UBE2D2: variants seen among roughly 807,000 people sequenced by gnomAD.
The protein encoded by UBE2D2 is ubiquitin-conjugating enzyme E2 D2.
A neutral mutation model predicts 24.2 loss-of-function variants in UBE2D2; 2 were observed. That is an observed-to-expected ratio of 0.08 (90% confidence interval 0.03 to 0.26). The LOEUF (loss-of-function observed/expected upper bound fraction) is 0.26, where lower values mean the gene tolerates loss of function less well. UBE2D2 is among the 10% of genes least tolerant of loss of function. The probability of loss-of-function intolerance (pLI) is 1.00; values close to 1 mark genes in which losing one functional copy is unlikely to be tolerated. For missense variants in UBE2D2, 44 were observed against 177.6 expected (o/e 0.25, Z 4.28); for synonymous variants, 58 against 56.5 (o/e 1.03, Z -0.12).
At chr5:139,562,114 A>G in intron 1 of UBE2D2, 1 of 1,038,634 alleles carries the variant, frequency 9.6e-7, no homozygotes, top group Non-Finnish European at 1.3e-6. Context: ...GCTGCACTTG[A>G]GGGCCATTGT....
chr5:139,549,154 C>T (rs1479735547), intron 1 of UBE2D2, among the ~76,000 whole-genome samples: 1 of 152,134 alleles, frequency 6.6e-6, no homozygotes, highest in East Asian at 1.9e-4. Context: ...GTCTTAAAAG[C>T]CCTGGTTCTA....
chr5:139,583,297 T>C (rs1360431909), intron 1 of UBE2D2, among the ~76,000 whole-genome samples: 1 of 152,130 alleles, frequency 6.6e-6, no homozygotes, highest in South Asian at 2.1e-4. Flanking sequence ...TTCTTAAAAA[T>C]TGCTGAGAGT....
intron 2 of UBE2D2, among the ~76,000 whole-genome samples, chr5:139,610,555 T>A (rs71587295): frequency 0.21 from 31,722 of 147,816 alleles, 3,487 homozygotes; most frequent in South Asian, 0.31. Context: ...AAAAATATAT[T>A]TTTTTTTTTG....
At chr5:139,567,875 G>A (rs915684808) in intron 1 of UBE2D2, among the ~76,000 whole-genome samples, 4 of 152,136 alleles carry the variant, frequency 2.6e-5, no homozygotes, top group African/African-American at 9.7e-5. Flanking sequence ...AACCAGTTTT[G>A]TAAATACATT....
chr5:139,614,837 A>T, intron 4 of UBE2D2, 24 bp from the exon 5 acceptor site: 4 of 1,612,692 alleles, frequency 2.5e-6, no homozygotes, highest in Non-Finnish European at 3.4e-6. Context: ...ACTAGTTTAC[A>T]GAAAGTTTCC....
intron 1 of UBE2D2, among the ~76,000 whole-genome samples, chr5:139,581,713 C>T (rs138793804): frequency 9.9e-5 from 15 of 152,102 alleles, no homozygotes; most frequent in South Asian, 4.2e-4. Flanking sequence ...CCGTCACCCA[C>T]GCTGGAGTGC....
chr5:139,599,325 A>G (rs1754023943), intron 1 of UBE2D2, among the ~76,000 whole-genome samples: 1 of 152,190 alleles, frequency 6.6e-6, no homozygotes. Context: ...ATGGTCCAGT[A>G]TAATTTTGGA....
At chr5:139,563,815 G>T (rs1234288024) in intron 1 of UBE2D2, among the ~76,000 whole-genome samples, 1 of 152,016 alleles carries the variant, frequency 6.6e-6, no homozygotes, top group African/African-American at 2.4e-5. Flanking sequence ...GGTTCCTGTA[G>T]TCCCAGCTAC....
At chr5:139,548,520 T>G (rs1015374684) in intron 1 of UBE2D2, among the ~76,000 whole-genome samples, 7 of 152,080 alleles carry the variant, frequency 4.6e-5, no homozygotes, top group African/African-American at 1.4e-4. Flanking sequence ...AAACCCCAGC[T>G]TCACAAGGAC....
chr5:139,597,809 G>A (rs1461867586), intron 1 of UBE2D2, among the ~76,000 whole-genome samples: 8 of 152,214 alleles, frequency 5.3e-5, no homozygotes, highest in Admixed American at 5.2e-4. Flanking sequence ...GAGATGGGCA[G>A]AAAATCTCTA....
intron 2 of UBE2D2, among the ~76,000 whole-genome samples, chr5:139,608,343 G>A (rs1331649218): frequency 6.6e-6 from 1 of 152,136 alleles, no homozygotes; most frequent in Non-Finnish European, 1.5e-5. Context: ...TGAAGCAGGA[G>A]AATTGCTTGA....
chr5:139,540,465 G>A (rs1432674105), intron 1 of UBE2D2, among the ~76,000 whole-genome samples: 2 of 147,960 alleles, frequency 1.4e-5, no homozygotes, highest in African/African-American at 2.5e-5. Flanking sequence ...AGAATGGCGT[G>A]AACCCGGGAG....
At chr5:139,527,679 G>C (rs1752557262) in intron 1 of UBE2D2, among the ~76,000 whole-genome samples, 1 of 152,070 alleles carries the variant, frequency 6.6e-6, no homozygotes, top group African/African-American at 2.4e-5. Flanking sequence ...TTAAAGAAAA[G>C]AATGTTTGTA....
chr5:139,617,962 A>G (rs1754449058), intron 5 of UBE2D2, among the ~76,000 whole-genome samples: 1 of 145,922 alleles, frequency 6.9e-6, no homozygotes, highest in South Asian at 2.3e-4. Flanking sequence ...TTAAAAAAAA[A>G]TTATTATTAT....
At chr5:139,598,779 T>C (rs1368500238) in intron 1 of UBE2D2, among the ~76,000 whole-genome samples, 1 of 151,566 alleles carries the variant, frequency 6.6e-6, no homozygotes, top group East Asian at 1.9e-4. Flanking sequence ...CCAGGCTGGT[T>C]TCAAGCTCCT....
At chr5:139,584,240 T>A (rs1485896545) in intron 1 of UBE2D2, among the ~76,000 whole-genome samples, 1 of 152,194 alleles carries the variant, frequency 6.6e-6, no homozygotes, top group Non-Finnish European at 1.5e-5. Context: ...TGTGTTATAG[T>A]TGCCTGCAGT....
At chr5:139,570,944 C>A (rs952262934) in intron 1 of UBE2D2, among the ~76,000 whole-genome samples, 22 of 152,300 alleles carry the variant, frequency 1.4e-4, no homozygotes, top group African/African-American at 5.0e-4. Flanking sequence ...AGAATGGCTA[C>A]TCCCTAGGCA....
chr5:139,575,503 G>A (rs562769322), intron 1 of UBE2D2, among the ~76,000 whole-genome samples: 3 of 152,266 alleles, frequency 2.0e-5, no homozygotes, highest in Non-Finnish European at 4.4e-5. Flanking sequence ...AAAAGGGATT[G>A]AATCCCAGTA....
chr5:139,619,388 T>C (rs1754470729), intron 5 of UBE2D2, among the ~76,000 whole-genome samples: 1 of 134,636 alleles, frequency 7.4e-6, no homozygotes, highest in South Asian at 2.6e-4. Context: ...AGAGCAAGAG[T>C]CTGTCTCAAA....
Sources: gnomAD v4.1 joint callset for allele counts (sites outside exome capture counted in the v4.1 genomes callset) on GRCh38, gnomAD v4.1.1 for gene constraint, MANE v1.5 for transcripts, NCBI Gene and HGNC (gene_info 2026-07-23, HGNC 2026-07-21) for gene names.